The following ST7 variants were observed in gnomAD, a reference collection of about 807,000 sequenced individuals.
ST7 encodes the protein suppression of tumorigenicity 7, also known as suppressor of tumorigenicity 7 protein.
ST7 carries 28 observed loss-of-function variants against 78.7 expected under a neutral mutation model. That is an observed-to-expected ratio of 0.36 (90% CI 0.26 to 0.49). The LOEUF is 0.49. Ranked by LOEUF, ST7 falls within the 20% of genes least tolerant of loss-of-function variation. The probability of loss-of-function intolerance (pLI) is 0.99; values close to 1 mark genes in which losing one functional copy is unlikely to be tolerated. For synonymous variants in ST7, 247 were observed against 249.6 expected, an observed-to-expected ratio of 0.99 and a Z score of 0.10; for missense variants, 418 against 696.0, an observed-to-expected ratio of 0.60 and a Z score of 4.49.
At chr7:117,136,321 AT>A in intron 8 of ST7, 86 bp downstream of exon 8, 1 of 1,506,888 alleles carries the variant, frequency 6.6e-7, no homozygotes, top group Non-Finnish European at 9.2e-7. Context: ...AGTTCAAAAT[AT>A]GATTCTCCTA....
At chr7:116,978,568 TTCTA>T (rs201403117) in intron 1 of ST7, among the ~76,000 whole-genome samples, 18 of 152,018 alleles carry the variant, frequency 1.2e-4, no homozygotes, top group South Asian at 2.1e-4. Context: ...ATATCATACA[TTCTA>T]TCTATCTATC....
chr7:117,134,245 T>G lies in ST7; in HGVS notation c.710+53T>G. Reference sequence around the variant, plus strand: ...ACTTCTAACCAAATGAGACTTCTAGTGGATATCTGGATGGTTGACACCCCC... The same window carrying G: ...ACTTCTAACCAAATGAGACTTCTAGGGGATATCTGGATGGTTGACACCCCC... On this transcript the variant is annotated intron_variant, in intron 7 of 15. Coordinates refer to ENST00000323984, the MANE Select transcript of ST7 (RefSeq NM_001369598.1). 5 of 1,607,780 alleles carry G rather than the reference T, an allele frequency of 3.1e-6. No individual in the cohort carries two copies. The East Asian group carries it at 6.7e-5, about 22-fold the overall frequency.
intron 1 of ST7, among the ~76,000 whole-genome samples, chr7:116,998,429 C>T (rs1173952637): frequency 1.3e-5 from 2 of 152,234 alleles, no homozygotes; most frequent in Non-Finnish European, 2.9e-5. Flanking sequence ...CTCGGCCAGC[C>T]CTGAGAGGGG....
chr7:117,160,888 T>C (rs939292668), intron 9 of ST7, among the ~76,000 whole-genome samples: 2 of 152,106 alleles, frequency 1.3e-5, no homozygotes, highest in Non-Finnish European at 2.9e-5. Flanking sequence ...AAAATAGTAA[T>C]TCTTAAAGTT....
chr7:117,113,185 A>G (rs1056123864), intron 2 of ST7, among the ~76,000 whole-genome samples: 6 of 152,234 alleles, frequency 3.9e-5, no homozygotes, highest in Non-Finnish European at 5.9e-5. Context: ...TTAAATCAGT[A>G]AAGACCTAAG....
intron 13 of ST7, 128 bp downstream of exon 13, chr7:117,210,065 T>C: frequency 8.8e-7 from 1 of 1,134,352 alleles, no homozygotes; most frequent in African/African-American, 1.6e-5. Context: ...ATGGCCCATC[T>C]AAGCCAGTTA....
intron 9 of ST7, among the ~76,000 whole-genome samples, chr7:117,152,586 C>T (rs746484686): frequency 1.1e-4 from 17 of 152,254 alleles, no homozygotes; most frequent in South Asian, 1.0e-3. Context: ...TTCTCTCCTT[C>T]GACACCATTT....
intron 13 of ST7, among the ~76,000 whole-genome samples, chr7:117,218,517 G>A (rs1011299123): frequency 6.6e-6 from 1 of 152,070 alleles, no homozygotes; most frequent in African/African-American, 2.4e-5. Context: ...CATGATAAAA[G>A]TTAAGATTTA....
chr7:117,136,680 A>T (rs1264680680), intron 8 of ST7: 2 of 184,682 alleles, frequency 1.1e-5, no homozygotes, highest in Non-Finnish European at 2.2e-5. Flanking sequence ...GTTATTGGTG[A>T]TTGTATCAGC....
At chr7:117,079,361 A>G (rs2116592265) in intron 1 of ST7, among the ~76,000 whole-genome samples, 1 of 152,310 alleles carries the variant, frequency 6.6e-6, no homozygotes, top group East Asian at 1.9e-4. Context: ...CCAGTCCTCC[A>G]TGGGTATTGA....
intron 10 of ST7, among the ~76,000 whole-genome samples, chr7:117,183,282 C>A (rs1000940250): frequency 2.0e-5 from 3 of 151,864 alleles, no homozygotes; most frequent in African/African-American, 7.3e-5. Context: ...AAAAATTATC[C>A]AGGCGTGGTG....
chr7:117,171,788 T>C (rs1028262232), intron 10 of ST7, among the ~76,000 whole-genome samples: 1 of 152,108 alleles, frequency 6.6e-6, no homozygotes, highest in Non-Finnish European at 1.5e-5. Context: ...CTAAAGTGTT[T>C]CCTTGTAAAA....
At chr7:116,964,011 C>T (rs1792971691) in intron 1 of ST7, among the ~76,000 whole-genome samples, 1 of 152,242 alleles carries the variant, frequency 6.6e-6, no homozygotes, top group Admixed American at 6.5e-5. Flanking sequence ...TTAAAGGCAT[C>T]TCTTAGGTCA....
chr7:116,997,054 G>A (rs1794693397), intron 1 of ST7, among the ~76,000 whole-genome samples: 1 of 152,112 alleles, frequency 6.6e-6, no homozygotes, highest in Non-Finnish European at 1.5e-5. Flanking sequence ...GTTCACAAAG[G>A]TGGCGTGTCC....
chr7:116,956,608 A>G, intron 1 of ST7: 1 of 471,208 alleles, frequency 2.1e-6, no homozygotes, highest in Non-Finnish European at 4.4e-6. Flanking sequence ...CTGTACCTGT[A>G]GGGGGATGGA....
chr7:117,165,867 T>C (rs938334127), intron 9 of ST7, among the ~76,000 whole-genome samples: 2 of 152,188 alleles, frequency 1.3e-5, no homozygotes, highest in African/African-American at 4.8e-5. Flanking sequence ...GAACATGGCC[T>C]GTTTAAGGAA....
intron 1 of ST7, among the ~76,000 whole-genome samples, chr7:117,082,279 A>G (rs1338157244): frequency 2.0e-5 from 3 of 152,214 alleles, no homozygotes; most frequent in African/African-American, 7.2e-5. Flanking sequence ...AACCAGTTCA[A>G]TGCTCATATA....
intron 1 of ST7, among the ~76,000 whole-genome samples, chr7:116,984,625 G>A (rs1028524004): frequency 1.3e-5 from 2 of 152,074 alleles, no homozygotes; most frequent in Admixed American, 6.6e-5. Context: ...TATTTAATAC[G>A]TGAGGGTCAG....
At chr7:117,201,159 T>C (rs1396236863) in intron 12 of ST7, among the ~76,000 whole-genome samples, 1 of 152,232 alleles carries the variant, frequency 6.6e-6, no homozygotes, top group Admixed American at 6.5e-5. Flanking sequence ...TATGATATTA[T>C]ATATCAACAG....
Sources: allele counts gnomAD v4.1 joint callset (sites outside exome capture counted in the v4.1 genomes callset), GRCh38; gene constraint gnomAD v4.1.1; transcripts MANE v1.5; gene names NCBI Gene and HGNC (gene_info 2026-07-23, HGNC 2026-07-21).